Variants in ASTN2 observed in about 807,000 individuals in gnomAD.
ASTN2 encodes astrotactin-2.
In ASTN2, 54 loss-of-function variants were observed where a neutral mutation model predicts 139.8. That is an observed-to-expected ratio of 0.39 (90% CI 0.31 to 0.48). The LOEUF is 0.48. Among genes scored for constraint, ASTN2 ranks in the 20% least tolerant of loss-of-function variants. ASTN2 has a pLI of 0.95. For synonymous variants in ASTN2, 756 were observed against 719.5 expected, an observed-to-expected ratio of 1.05 and a Z score of -0.81; for missense variants, 1,565 against 1,725.1, an observed-to-expected ratio of 0.91 and a Z score of 1.64.
intron 1 of ASTN2, among the ~76,000 whole-genome samples, chr9:117,380,394 C>T (rs1587996871): frequency 1.3e-5 from 2 of 152,074 alleles, no homozygotes; most frequent in Admixed American, 1.3e-4. Flanking sequence ...ATCACGAGGT[C>T]AAGAGATCAA....
intron 4 of ASTN2, among the ~76,000 whole-genome samples, chr9:117,136,529 G>T (rs1172290212): frequency 6.6e-6 from 1 of 152,046 alleles, no homozygotes; most frequent in African/African-American, 2.4e-5. Flanking sequence ...AAGCTCAAGA[G>T]GCCCCCAGTG....
chr9:116,731,756 C>A (rs1488605947), intron 14 of ASTN2, among the ~76,000 whole-genome samples: 3 of 152,184 alleles, frequency 2.0e-5, no homozygotes, highest in Admixed American at 2.0e-4. Flanking sequence ...GAAACTGAGG[C>A]TCAGAGAGCA....
At chr9:116,874,978 G>T (rs901579003) in intron 10 of ASTN2, among the ~76,000 whole-genome samples, 7 of 152,026 alleles carry the variant, frequency 4.6e-5, no homozygotes, top group African/African-American at 1.7e-4. Flanking sequence ...CAACTTACTT[G>T]GTAAATATAA....
At chr9:117,082,186 C>T (rs1367067158) in intron 5 of ASTN2, among the ~76,000 whole-genome samples, 1 of 152,174 alleles carries the variant, frequency 6.6e-6, no homozygotes, top group Non-Finnish European at 1.5e-5. Context: ...GGCTCACAGG[C>T]ACCTCAAAGG....
intron 11 of ASTN2, among the ~76,000 whole-genome samples, chr9:116,839,862 T>C (rs1675767848): frequency 1.0e-5 from 1 of 99,722 alleles, no homozygotes; most frequent in South Asian, 3.0e-4. Context: ...TTTATTTCAT[T>C]ATTATTATTA....
At chr9:117,076,747 C>T (rs1455711877) in intron 5 of ASTN2, among the ~76,000 whole-genome samples, 3 of 152,134 alleles carry the variant, frequency 2.0e-5, no homozygotes, top group African/African-American at 7.2e-5. Context: ...CCACACCTAC[C>T]TACCTGCCTC....
chr9:116,675,160 G>A (rs1859430331), intron 16 of ASTN2, among the ~76,000 whole-genome samples: 1 of 152,100 alleles, frequency 6.6e-6, no homozygotes, highest in South Asian at 2.1e-4. Flanking sequence ...TTTTGGACTG[G>A]GGCTGACTCT....
intron 10 of ASTN2, among the ~76,000 whole-genome samples, chr9:116,903,884 G>A (rs1834087370): frequency 6.6e-6 from 1 of 152,170 alleles, no homozygotes; most frequent in South Asian, 2.1e-4. Flanking sequence ...CATAGCAGAT[G>A]GGCAAGAAGG....
At chr9:116,687,290 C>T in intron 16 of ASTN2, 4 of 988,058 alleles carry the variant, frequency 4.0e-6, no homozygotes, top group Non-Finnish European at 4.8e-6. Flanking sequence ...TGCGAATTGG[C>T]GCCCGGCAAG....
At chr9:117,026,436 G>T (rs1838085059) in intron 6 of ASTN2, among the ~76,000 whole-genome samples, 1 of 152,098 alleles carries the variant, frequency 6.6e-6, no homozygotes, top group African/African-American at 2.4e-5. Flanking sequence ...CAACTCAATT[G>T]GGCTTCTTAT....
At chr9:116,936,497 C>T (rs1479918641) in intron 10 of ASTN2, among the ~76,000 whole-genome samples, 3 of 152,138 alleles carry the variant, frequency 2.0e-5, no homozygotes, top group Non-Finnish European at 2.9e-5. Flanking sequence ...CAAGGTCACT[C>T]GATCAGCAAG....
chr9:116,733,033 C>T (rs180671519), intron 14 of ASTN2, among the ~76,000 whole-genome samples: 3 of 152,272 alleles, frequency 2.0e-5, no homozygotes, highest in East Asian at 1.9e-4. Flanking sequence ...TGACTTAAAA[C>T]GAACCAAGAA....
At chr9:116,937,172 C>T (rs1036853709) in intron 10 of ASTN2, among the ~76,000 whole-genome samples, 2 of 152,210 alleles carry the variant, frequency 1.3e-5, no homozygotes, top group African/African-American at 4.8e-5. Context: ...ATTCTTTTTC[C>T]GCCTTAAAAT....
At chr9:116,957,914 C>T (rs1444278400) in intron 10 of ASTN2, among the ~76,000 whole-genome samples, 3 of 152,116 alleles carry the variant, frequency 2.0e-5, no homozygotes, top group Admixed American at 6.5e-5. Context: ...CTCCTGACCT[C>T]GTGATCCACC....
chr9:116,716,655 T>C (rs1268219586), intron 16 of ASTN2, among the ~76,000 whole-genome samples: 2 of 152,192 alleles, frequency 1.3e-5, no homozygotes, highest in Admixed American at 6.5e-5. Flanking sequence ...CAATGCAGTA[T>C]TCCAGGCAGT....
intron 4 of ASTN2, among the ~76,000 whole-genome samples, chr9:117,134,093 A>G (rs1320117461): frequency 6.6e-6 from 1 of 151,926 alleles, no homozygotes; most frequent in Non-Finnish European, 1.5e-5. Context: ...AAGAAGGACA[A>G]AGTGTAGGGA....
At chr9:117,126,707 T>C (rs1234901083) in intron 4 of ASTN2, among the ~76,000 whole-genome samples, 3 of 152,180 alleles carry the variant, frequency 2.0e-5, no homozygotes, top group Non-Finnish European at 4.4e-5. Context: ...CTAGAATGGT[T>C]AGCACCAAAG....
At chr9:117,061,314 AT>A (rs1012085495) in intron 5 of ASTN2, among the ~76,000 whole-genome samples, 22 of 151,994 alleles carry the variant, frequency 1.4e-4, no homozygotes, top group Admixed American at 4.6e-4. Context: ...TCTTATCCTA[AT>A]TTTTTTGCCT....
intron 4 of ASTN2, among the ~76,000 whole-genome samples, chr9:117,101,877 T>C (rs1828986648): frequency 6.6e-6 from 1 of 152,088 alleles, no homozygotes; most frequent in Admixed American, 6.5e-5. Context: ...TAATGGAAAA[T>C]AGCAGATGTT....
Sources: allele counts gnomAD v4.1 joint callset (sites outside exome capture counted in the v4.1 genomes callset), GRCh38; gene constraint gnomAD v4.1.1; transcripts MANE v1.5; gene names NCBI Gene and HGNC (gene_info 2026-07-23, HGNC 2026-07-21).